Variants in ARMC9 observed in about 807,000 individuals in gnomAD.
ARMC9 encodes the protein lisH domain-containing protein ARMC9.
In ARMC9, 94 loss-of-function variants were observed where a neutral mutation model predicts 107.0. The ratio of observed to expected loss-of-function variants is 0.88; its 90% CI spans 0.74 to 1.04. The LOEUF is 1.04. ARMC9 is among the 50% of genes least tolerant of loss of function. The pLI is 0.00. For missense variants in ARMC9, 942 were observed against 1,030.1 expected (o/e 0.91, Z 1.17); for synonymous variants, 380 against 396.9 (o/e 0.96, Z 0.51).
At chr2:231,276,413 G>T (rs2039756391) in intron 14 of ARMC9, among the ~76,000 whole-genome samples, 1 of 151,996 alleles carries the variant, frequency 6.6e-6, no homozygotes, top group Non-Finnish European at 1.5e-5. Context: ...TGGGATTACA[G>T]GCGCCGTCAC....
chr2:231,350,244 T>G (rs1365065801), intron 21 of ARMC9, among the ~76,000 whole-genome samples: 1 of 152,094 alleles, frequency 6.6e-6, no homozygotes, highest in East Asian at 1.9e-4. Context: ...CAGGCTGGTC[T>G]TGAACTCCTT....
chr2:231,216,500 G>A lies in ARMC9; in HGVS notation c.349-138G>A. ...TTAGGGTGGATGGTAGAATTCTAGA[G>A]ACAATGCACCTGCCAGGTTAGATAG... is the stretch of plus-strand genomic sequence containing the variant. On this transcript the variant is annotated intron_variant, in intron 4 of 24. Coordinates refer to ENST00000611582, the MANE Select transcript of ARMC9 (RefSeq NM_001352754.2). The A allele has an allele frequency of 3.1e-6, 3 of 957,782 alleles. No individual in the cohort carries two copies. In the East Asian group the frequency reaches 7.2e-5, roughly 23 times the overall value. 59.3% of individuals were successfully genotyped at this position (957,782 alleles called of 1,614,324 possible). A position where few individuals can be genotyped will look rare whatever the true frequency, so the allele number is the denominator to read the frequency against.
At chr2:231,359,367 G>A (rs1475327190) in intron 22 of ARMC9, among the ~76,000 whole-genome samples, 6 of 151,884 alleles carry the variant, frequency 4.0e-5, no homozygotes, top group African/African-American at 1.2e-4. Flanking sequence ...GATTACAGGC[G>A]TGAGCCACCG....
intron 3 of ARMC9, among the ~76,000 whole-genome samples, chr2:231,209,343 T>C (rs1347264285): frequency 6.6e-6 from 1 of 152,162 alleles, no homozygotes; most frequent in African/African-American, 2.4e-5. Context: ...ATCATACTGC[T>C]GCACTCCAGC....
intron 4 of ARMC9, among the ~76,000 whole-genome samples, chr2:231,216,272 T>C (rs1277916835): frequency 1.3e-5 from 2 of 152,186 alleles, no homozygotes; most frequent in African/African-American, 4.8e-5. Context: ...ATCTGAAAAG[T>C]AGAAGCAATG....
intron 9 of ARMC9, among the ~76,000 whole-genome samples, chr2:231,249,807 CCGTG>C (rs2037123134): frequency 6.6e-6 from 1 of 151,118 alleles, no homozygotes; most frequent in African/African-American, 2.4e-5. Flanking sequence ...TACCACCCAC[CCGTG>C]CACACCTCCA....
In ARMC9 at chr2:231,373,311, G is replaced by T. The variant is rs546069091; in HGVS notation, c.*1776G>T. On this transcript the variant is annotated 3_prime_UTR_variant, in exon 25 of 25. Coordinates refer to ENST00000611582, the MANE Select transcript of ARMC9 (RefSeq NM_001352754.2). The surrounding 1 kb of genome is among the most constrained non-coding windows in gnomAD (Gnocchi z 4.4). Reference sequence around the variant, plus strand: ...GTGGTTGCAGACAAACAGCAAAGGAGTGGAATGGAAAAATCTCTCTTGCTC... The same window carrying T: ...GTGGTTGCAGACAAACAGCAAAGGATTGGAATGGAAAAATCTCTCTTGCTC... 128 of 152,318 alleles carry T rather than the reference G, an allele frequency of 8.4e-4. No individual in the cohort carries two copies. Among genetic ancestry groups the T allele is most frequent in the African/African-American group, 2.9e-3 (122 of 41,560 alleles). The allele number at this position is 152,318 out of a possible 1,614,324, so 9.4% of individuals were successfully genotyped here. A position where few individuals can be genotyped will look rare whatever the true frequency, so the allele number is the denominator to read the frequency against.
At chr2:231,283,765 C>T (rs2040388812) in intron 17 of ARMC9, among the ~76,000 whole-genome samples, 1 of 152,152 alleles carries the variant, frequency 6.6e-6, no homozygotes, top group Admixed American at 6.5e-5. Flanking sequence ...GGGTCTTGCT[C>T]TTTTGCCCAG....
chr2:231,302,446 T>TTG (rs1553620438), intron 19 of ARMC9, among the ~76,000 whole-genome samples: 1 of 143,278 alleles, frequency 7.0e-6, no homozygotes, highest in Non-Finnish European at 1.5e-5. Flanking sequence ...TGTTTTTTTT[T>TTG]TTTTTTTTTT....
At position 231,257,548 on chromosome 2, in the gene ARMC9, G is replaced by A. The variant is rs142040662; in HGVS notation, c.914+928G>A. Among the ~76,000 whole-genome samples, 499 of 152,202 alleles carry A rather than the reference G, an allele frequency of 3.3e-3. 6 individuals carry two copies. In the Middle Eastern group the frequency reaches 0.034, roughly 10 times the overall value. ...TGCCTGAGTCTGACCTTGACCCCACGCTTTATTCTCTCCTACCACTTTGGC... is the reference window on the plus strand; with the variant it reads ...TGCCTGAGTCTGACCTTGACCCCACACTTTATTCTCTCCTACCACTTTGGC... On this transcript the variant is annotated intron_variant, in intron 10 of 24. Transcript: ENST00000611582.
At chr2:231,278,239 GACTCACCCGAGGTCATACA>G (rs1279042932) in intron 15 of ARMC9, 124 bp from the exon 16 acceptor site, 17 of 732,826 alleles carry the variant, frequency 2.3e-5, no homozygotes, top group Non-Finnish European at 3.9e-5. Context: ...TTGGTTACAT[GACTCACCCGAGGTCATACA>G]GCTCACCCGA....
intron 14 of ARMC9, among the ~76,000 whole-genome samples, chr2:231,274,016 C>T (rs984970453): frequency 5.9e-5 from 9 of 152,314 alleles, no homozygotes; most frequent in Admixed American, 5.9e-4. Flanking sequence ...TGACTGGCTT[C>T]TCTCACTTAG....
chr2:231,215,598 G>A (rs1574619336), intron 4 of ARMC9, among the ~76,000 whole-genome samples: 1 of 152,348 alleles, frequency 6.6e-6, no homozygotes, highest in Admixed American at 6.5e-5. Context: ...GATGGGGCTG[G>A]AGATGGGAAG....
At chr2:231,369,268 TC>T (rs1333889626) in intron 23 of ARMC9, among the ~76,000 whole-genome samples, 3 of 150,952 alleles carry the variant, frequency 2.0e-5, no homozygotes, top group Non-Finnish European at 4.4e-5. Flanking sequence ...GTCTCCTTCC[TC>T]CTGTGCTTTC....
At chr2:231,292,167 C>CAA (rs1248110796) in intron 18 of ARMC9, among the ~76,000 whole-genome samples, 23 of 56,048 alleles carry the variant, frequency 4.1e-4, no homozygotes, top group South Asian at 5.9e-4. Flanking sequence ...AACTCCTTCT[C>CAA]AAAAAAAAAA....
chr2:231,222,756 A>AG lies in ARMC9; in HGVS notation c.534dup (p.Leu179ValfsTer10). Reference sequence around the variant, plus strand: ...TCCTGGACTCCAGAGTTAAAGTTGAAGTTGATAAAGTTTCTAGCTTTAATA... The same window carrying AG: ...TCCTGGACTCCAGAGTTAAAGTTGAAGGTTGATAAAGTTTCTAGCTTTAATA... On this transcript the variant is annotated frameshift_variant, in exon 6 of 25. Coordinates refer to ENST00000611582, the MANE Select transcript of ARMC9 (RefSeq NM_001352754.2). LOFTEE classifies it high-confidence loss of function. The AG allele has an allele frequency of 1.3e-6, 2 of 1,583,312 alleles. No individual in the cohort carries two copies. The highest frequency in any genetic ancestry group is 1.7e-6 in the Non-Finnish European group (2 of 1,154,374).
intron 9 of ARMC9, among the ~76,000 whole-genome samples, chr2:231,247,157 G>A (rs1489880187): frequency 6.6e-6 from 1 of 152,102 alleles, no homozygotes; most frequent in African/African-American, 2.4e-5. Context: ...AGGTTTCACC[G>A]TGTTAGCCAG....
intron 21 of ARMC9, among the ~76,000 whole-genome samples, chr2:231,345,793 T>G (rs990618356): frequency 2.0e-5 from 3 of 152,228 alleles, no homozygotes; most frequent in Non-Finnish European, 4.4e-5. Context: ...CAACAAATAA[T>G]GGCCGTGTAA....
chr2:231,226,925 G>C (rs576480425), intron 7 of ARMC9, 127 bp downstream of exon 7: 2 of 1,136,902 alleles, frequency 1.8e-6, no homozygotes, highest in East Asian at 5.0e-5. Context: ...TTTATGAAAG[G>C]CTTTGCAGTC....
Sources: allele counts gnomAD v4.1 joint callset (sites outside exome capture counted in the v4.1 genomes callset), GRCh38; gene constraint gnomAD v4.1.1; non-coding constraint Gnocchi (gnomAD v3.1); transcripts MANE v1.5; gene names NCBI Gene and HGNC (gene_info 2026-07-23, HGNC 2026-07-21).